Variants in PRKN observed in about 807,000 individuals in gnomAD.
PRKN encodes the protein parkin RBR E3 ubiquitin protein ligase, also known as E3 ubiquitin-protein ligase parkin.
Under a neutral mutation model 59.5 loss-of-function variants are expected in PRKN, and 56 were observed. The ratio of observed to expected loss-of-function variants is 0.94; its 90% confidence interval spans 0.76 to 1.18. PRKN has a LOEUF of 1.18. Ranked by LOEUF, PRKN falls within the 50% of genes most tolerant of loss-of-function variation. The pLI is 0.00. For missense variants in PRKN, 657 were observed against 596.4 expected (o/e 1.10, Z -1.06); for synonymous variants, 250 against 222.1 (o/e 1.13, Z -1.12).
chr6:161,693,918 T>C (rs930940281), intron 7 of PRKN, among the ~76,000 whole-genome samples: 2 of 152,174 alleles, frequency 1.3e-5, no homozygotes, highest in Non-Finnish European at 2.9e-5. Context: ...CACAGATAGA[T>C]TGGCCACAGG....
chr6:161,610,677 C>T (rs1268811704), intron 7 of PRKN, among the ~76,000 whole-genome samples: 1 of 151,820 alleles, frequency 6.6e-6, no homozygotes, highest in African/African-American at 2.4e-5. Flanking sequence ...AGCAAATAAA[C>T]CAGGGAGGCA....
At chr6:162,181,228 G>C in intron 4 of PRKN, among the ~76,000 whole-genome samples, 1 of 152,174 alleles carries the variant, frequency 6.6e-6, no homozygotes, top group South Asian at 2.1e-4. Context: ...GCTAGAGGCA[G>C]GACACCTATT....
intron 4 of PRKN, among the ~76,000 whole-genome samples, chr6:162,179,438 T>C (rs1783691616): frequency 6.6e-6 from 1 of 152,156 alleles, no homozygotes. Flanking sequence ...CTCTCCTGAC[T>C]GCAGAGCCAC....
intron 1 of PRKN, among the ~76,000 whole-genome samples, chr6:162,566,585 A>C (rs1780090666): frequency 6.6e-6 from 1 of 152,154 alleles, no homozygotes; most frequent in South Asian, 2.1e-4. Context: ...GAACCAGGCA[A>C]AAAAATCCAA....
chr6:162,377,915 G>A lies in PRKN; in HGVS notation c.171+65395C>T, dbSNP rs748221757. On this transcript the variant is annotated intron_variant, in intron 2 of 11. Coordinates refer to ENST00000366898, the MANE Select transcript of PRKN (RefSeq NM_004562.3). ...TGAAAGCCAGATGGTTCTTGGGCAA[G>A]AGGAGGAAAGAAAAACAAAGCATCA... is the stretch of plus-strand genomic sequence containing the variant. Among the ~76,000 whole-genome samples the A allele has an allele frequency of 2.0e-5, 3 of 152,206 alleles. No homozygotes were observed. In the East Asian group the frequency reaches 5.8e-4, roughly 29 times the overall value.
intron 4 of PRKN, among the ~76,000 whole-genome samples, chr6:162,125,994 A>C (rs1781108169): frequency 1.3e-5 from 2 of 152,204 alleles, no homozygotes; most frequent in South Asian, 4.1e-4. Flanking sequence ...CTTCACCTAA[A>C]AATTAGCAGC....
intron 4 of PRKN, among the ~76,000 whole-genome samples, chr6:162,141,883 A>G (rs1482637964): frequency 6.6e-6 from 1 of 152,196 alleles, no homozygotes; most frequent in East Asian, 1.9e-4. Flanking sequence ...CAGTCTAACC[A>G]GGATTATTTG....
intron 9 of PRKN, among the ~76,000 whole-genome samples, chr6:161,520,375 T>C (rs1778775106): frequency 6.6e-6 from 1 of 151,928 alleles, no homozygotes; most frequent in East Asian, 1.9e-4. Flanking sequence ...CAGGTGGCCA[T>C]CACCAGGCCC....
At chr6:162,442,855 G>A (rs1000928163) in intron 2 of PRKN, among the ~76,000 whole-genome samples, 5 of 152,152 alleles carry the variant, frequency 3.3e-5, no homozygotes, top group Admixed American at 6.5e-5. Flanking sequence ...CTCCTCTAGC[G>A]CAGCATAGCA....
intron 5 of PRKN, among the ~76,000 whole-genome samples, chr6:162,004,196 T>A (rs1479532786): frequency 6.6e-6 from 1 of 152,196 alleles, no homozygotes; most frequent in Non-Finnish European, 1.5e-5. Context: ...ACTGTCCTAG[T>A]GAATAGAAAG....
At chr6:162,338,409 C>T (rs999461652) in intron 2 of PRKN, among the ~76,000 whole-genome samples, 3 of 151,962 alleles carry the variant, frequency 2.0e-5, no homozygotes, top group East Asian at 1.9e-4. Context: ...ACTGCAGGCA[C>T]GCGCCGCCAT....
chr6:162,119,624 G>GT (rs923570431), intron 4 of PRKN, among the ~76,000 whole-genome samples: 4 of 152,182 alleles, frequency 2.6e-5, no homozygotes, highest in East Asian at 1.9e-4. Flanking sequence ...AGAAGCAGCT[G>GT]TTTTTTCCCC....
intron 6 of PRKN, among the ~76,000 whole-genome samples, chr6:161,794,031 C>T (rs574774032): frequency 5.9e-5 from 9 of 152,210 alleles, no homozygotes; most frequent in African/African-American, 2.2e-4. Context: ...GTGGACCCTC[C>T]TGTCAGGCAC....
At chr6:161,947,085 T>C (rs1779810589) in intron 6 of PRKN, among the ~76,000 whole-genome samples, 1 of 152,210 alleles carries the variant, frequency 6.6e-6, no homozygotes, top group Admixed American at 6.5e-5. Context: ...TGCAAGTGCT[T>C]ATACATCTGT....
chr6:162,648,384 C>CTT (rs10644990), intron 1 of PRKN, among the ~76,000 whole-genome samples: 110,136 of 143,818 alleles, frequency 0.77, 42,504 homozygotes, highest in East Asian at 0.94. Context: ...GGTGTTCTTT[C>CTT]TTTTTTTATT....
chr6:162,346,385 G>A (rs1784403907), intron 2 of PRKN, among the ~76,000 whole-genome samples: 2 of 151,518 alleles, frequency 1.3e-5, no homozygotes, highest in South Asian at 2.1e-4. Flanking sequence ...GGAGGCAAAG[G>A]TGGATGAATT....
chr6:162,519,349 A>G (rs559540902), intron 1 of PRKN, among the ~76,000 whole-genome samples: 6 of 152,236 alleles, frequency 3.9e-5, no homozygotes, highest in African/African-American at 1.2e-4. Context: ...CTTGAGCGCT[A>G]GTGTGTCAAA....
intron 6 of PRKN, among the ~76,000 whole-genome samples, chr6:161,881,814 TG>T (rs920787066): frequency 6.6e-6 from 1 of 152,172 alleles, no homozygotes; most frequent in Admixed American, 6.6e-5. Flanking sequence ...ACAGAAGTCG[TG>T]GCTCCTTTGC....
rs1318677534 is a variant in PRKN, at chr6:162,347,215, GCTTAGT to G, written c.172-84456_172-84451del. Among the ~76,000 whole-genome samples the G allele has an allele frequency of 2.0e-5, 3 of 149,262 alleles. No individual in the cohort carries two copies. In the East Asian group the frequency reaches 5.9e-4, roughly 29 times the overall value. The stretch of plus-strand genomic sequence containing the variant: ...TTTTTTCTGACATCTTATGTTGGAT[GCTTAGT>G]TCACTAATTTTCAGCCTCTGTTCCT... On this transcript the variant is annotated intron_variant, in intron 2 of 11. Coordinates refer to ENST00000366898, the MANE Select transcript of PRKN (RefSeq NM_004562.3).
Sources: allele counts gnomAD v4.1 joint callset (sites outside exome capture counted in the v4.1 genomes callset), GRCh38; gene constraint gnomAD v4.1.1; transcripts MANE v1.5; gene names NCBI Gene and HGNC (gene_info 2026-07-23, HGNC 2026-07-21).